ZNF493: variants seen among roughly 807,000 people sequenced by gnomAD.
ZNF493 encodes zinc finger protein 493.
ZNF493 carries 11 observed loss-of-function variants against 12.2 expected under a neutral mutation model. That is an observed-to-expected ratio of 0.90 (90% CI 0.57 to 1.50). The LOEUF (loss-of-function observed/expected upper bound fraction) is 1.50. Among genes scored for constraint, ZNF493 ranks in the 40% most tolerant of loss-of-function variants. The pLI, the probability that ZNF493 is intolerant of heterozygous loss-of-function variation, is 0.00. For synonymous variants in ZNF493, 286 were observed against 302.6 expected (o/e 0.95, Z 0.57); for missense variants, 950 against 906.6 (o/e 1.05, Z -0.61).
Position 21,397,151 on chromosome 19 carries a change from C to A in ZNF493, c.-87C>A. On this transcript the variant is annotated 5_prime_UTR_variant, in exon 1 of 4. Coordinates refer to ENST00000392288, the MANE Select transcript of ZNF493 (RefSeq NM_001076678.3). ...CTGGGCCATTGTTTCTCTCTGCTGC[C>A]GGAGCTCCAGGTCTACCCTTCACTG... is the stretch of plus-strand genomic sequence containing the variant. The A allele has an allele frequency of 4.7e-6, 7 of 1,497,370 alleles. No individual in the cohort carries two copies. Among genetic ancestry groups the A allele is most frequent in the Admixed American group, 1.7e-5 (1 of 59,274 alleles). 92.8% of individuals were successfully genotyped at this position (1,497,370 alleles called of 1,614,324 possible). A position where few individuals can be genotyped will look rare whatever the true frequency, so the allele number is the denominator to read the frequency against.
chr19:21,412,345 C>G (rs528143595), intron 3 of ZNF493: 2 of 152,412 alleles, frequency 1.3e-5, no homozygotes, highest in East Asian at 3.9e-4. Context: ...TTTAAGAATG[C>G]CTTTAAGTGG....
intron 3 of ZNF493, among the ~76,000 whole-genome samples, chr19:21,406,567 G>T (rs1435250111): frequency 6.6e-6 from 1 of 152,078 alleles, no homozygotes; most frequent in African/African-American, 2.4e-5. Context: ...GAAACTTTAT[G>T]TTAAACTATT....
At chr19:21,399,392 CCT>C in intron 1 of ZNF493, among the ~76,000 whole-genome samples, 1 of 151,750 alleles carries the variant, frequency 6.6e-6, no homozygotes, top group South Asian at 2.1e-4. Context: ...AATCTCCTGA[CCT>C]CATAATCCAT....
At chr19:21,413,309 A>G (rs1046179041) in intron 3 of ZNF493, 2 of 389,746 alleles carry the variant, frequency 5.1e-6, no homozygotes, top group Non-Finnish European at 9.0e-6. Context: ...GATTACATCC[A>G]GGCATTATTA....
rs796355916 is a variant in ZNF493, at chr19:21,420,524, A to G, written c.254-2389A>G. Among the ~76,000 whole-genome samples the G allele has an allele frequency of 5.2e-4, 36 of 68,674 alleles. No homozygotes were observed. The South Asian group carries it at 0.012, about 22-fold the overall frequency. The allele number at this position is 68,674 out of a possible 152,430, so 45.1% of individuals were successfully genotyped here. A position where few individuals can be genotyped will look rare whatever the true frequency, so the allele number is the denominator to read the frequency against. On this transcript the variant is annotated intron_variant, in intron 3 of 3. Transcript: ENST00000392288. ...CAATATACTTCTTTAGAATTCATTTATTTTTGAAGTTTTTTTTTCTTTTTA... is the reference window on the plus strand; with the variant it reads ...CAATATACTTCTTTAGAATTCATTTGTTTTTGAAGTTTTTTTTTCTTTTTA...
At chr19:21,404,320 GTCT>G (rs1442288959) in intron 1 of ZNF493, among the ~76,000 whole-genome samples, 1 of 152,208 alleles carries the variant, frequency 6.6e-6, no homozygotes. Flanking sequence ...CAGTGATGAT[GTCT>G]TCTTCTGTGT....
chr19:21,414,607 C>T (rs1356753155), intron 3 of ZNF493: 1 of 152,102 alleles, frequency 6.6e-6, no homozygotes, highest in Non-Finnish European at 1.5e-5. Context: ...TGTATGAAAT[C>T]GTAACTGAGC....
At position 21,423,023 on chromosome 19, in the gene ZNF493, T is replaced by C. The variant is rs762770934; in HGVS notation, c.364T>C (p.Leu122=). The C allele has an allele frequency of 3.7e-6, 6 of 1,613,066 alleles. No homozygotes were observed. Among genetic ancestry groups the C allele is most frequent in the Non-Finnish European group, 5.1e-6 (6 of 1,179,634 alleles). Residue 122 remains leucine, a synonymous_variant, in exon 4 of 4, where the codon TTA becomes CTA. Coordinates refer to ENST00000392288, the MANE Select transcript of ZNF493 (RefSeq NM_001076678.3). ...AAAATGTGGACATAAGGATTTACAG[T>C]TAAGAAAAGGATGTAAAAGTATGAA... The part of the protein sequence containing the change: ...YVKCGHKDLQ[L]RKGCKSMNEC...
chr19:21,402,938 G>T (rs1427413156), intron 1 of ZNF493, among the ~76,000 whole-genome samples: 1 of 152,214 alleles, frequency 6.6e-6, no homozygotes, highest in Non-Finnish European at 1.5e-5. Context: ...CATCAGGATA[G>T]GTGATCCAGG....
chr19:21,424,021 T>G lies in ZNF493; in HGVS notation c.1362T>G (p.Ile454Met), dbSNP rs1406684133. ...VFSILTKHKI[I>M]HTEEKPYKCE... Reference sequence around the variant, plus strand: ...CAATTCTTACTAAACATAAAATAATTCATACAGAAGAGAAACCCTACAAAT... The same window carrying G: ...CAATTCTTACTAAACATAAAATAATGCATACAGAAGAGAAACCCTACAAAT... Residue 454 changes from isoleucine (I) to methionine (M), a missense_variant, in exon 4 of 4, where the codon ATT becomes ATG. Physicochemically the swap from Ile to Met is conservative, Grantham distance 10. Coordinates refer to ENST00000392288, the MANE Select transcript of ZNF493 (RefSeq NM_001076678.3). 1 of 1,613,400 alleles carries G rather than the reference T, an allele frequency of 6.2e-7. No homozygotes were observed. The highest frequency in any genetic ancestry group is 1.1e-5 in the South Asian group (1 of 90,982).
intron 1 of ZNF493, among the ~76,000 whole-genome samples, chr19:21,403,027 C>T (rs944707367): frequency 6.6e-6 from 1 of 152,190 alleles, no homozygotes; most frequent in African/African-American, 2.4e-5. Flanking sequence ...TATCACTGGG[C>T]CATCAGCCTT....
rs770083191 is a variant in ZNF493 at position 21,424,223 on chromosome 19, T to A, written c.1564T>A (p.Cys522Ser). Residue 522 changes from cysteine (C) to serine (S), a missense_variant, in exon 4 of 4, where the codon TGT becomes AGT. By Grantham distance (112) the Cys-to-Ser change is moderately radical (BLOSUM62 -1). Transcript: ENST00000392288. ...AGAAAAACCCTACAAATGTGAAGAA[T>A]GTGGCAAAGCTTTTAAACGATCTTC... ...TGEKPYKCEE[C>S]GKAFKRSSTL... 3.1e-6 allele frequency: 5 copies of A among 1,612,632 alleles called. No individual in the cohort carries two copies. In the Admixed American group the frequency reaches 6.7e-5, roughly 22 times the overall value.
chr19:21,405,120 T>G lies in ZNF493; in HGVS notation c.31-9T>G, dbSNP rs533227719. The G allele has an allele frequency of 1.2e-4, 194 of 1,611,906 alleles. 3 individuals are homozygous for G. In the South Asian group the frequency reaches 2.1e-3, roughly 17 times the overall value. On this transcript the variant is annotated splice_polypyrimidine_tract_variant and intron_variant, in intron 1 of 3. Coordinates refer to ENST00000392288, the MANE Select transcript of ZNF493 (RefSeq NM_001076678.3). ...TGTGTGTGTGTGTGTTTGTGTGTGT[T>G]TGTTTCAGGGGCCGTTGACATTTAG...
chr19:21,422,970 T>C lies in ZNF493; in HGVS notation c.311T>C (p.Phe104Ser). ...CCAGGGCCAGGCATTAAAGATTCTT[T>C]TCAAAAAGTGATACTGAGAGAATAT... ...FCPGPGIKDS[F>S]QKVILREYVK... The change falls in exon 4 of 4, where the codon TTT becomes TCT. Residue 104 changes from phenylalanine to serine, a missense_variant. Coordinates refer to ENST00000392288, the MANE Select transcript of ZNF493 (RefSeq NM_001076678.3). 1 of 1,598,850 alleles carries C rather than the reference T, an allele frequency of 6.3e-7. No homozygotes were observed. Among genetic ancestry groups the C allele is most frequent in the Admixed American group, 1.8e-5 (1 of 57,064 alleles).
rs759358858 is a variant in ZNF493 at position 21,402,510 on chromosome 19, C to G, written c.31-2619C>G. ...AAGGGATCTCTCCTTTGATTGTACT[C>G]TGCTTGCTGTAACACCCAAGAATGC... On this transcript the variant is annotated intron_variant, in intron 1 of 3. Coordinates refer to ENST00000392288, the MANE Select transcript of ZNF493 (RefSeq NM_001076678.3). Among the ~76,000 whole-genome samples the G allele has an allele frequency of 5.3e-5, 8 of 152,160 alleles. No homozygotes were observed. The South Asian group carries it at 1.7e-3, about 32-fold the overall frequency.
At chr19:21,401,963 A>C (rs2029959880) in intron 1 of ZNF493, among the ~76,000 whole-genome samples, 1 of 140,210 alleles carries the variant, frequency 7.1e-6, no homozygotes, top group African/African-American at 2.7e-5. Flanking sequence ...TATTTATTTC[A>C]TTTTATTTAT....
chr19:21,425,258 A>T lies in ZNF493; in HGVS notation c.*274A>T. ...CTAAACATAAGAGAATTCATACCAT[A>T]GAGAAATCCTACAAATATGAAGAAT... On this transcript the variant is annotated 3_prime_UTR_variant, in exon 4 of 4. Transcript: ENST00000392288. The T allele has an allele frequency of 2.0e-6, 1 of 498,890 alleles. No homozygotes were observed. Among genetic ancestry groups the T allele is most frequent in the Non-Finnish European group, 3.8e-6 (1 of 266,378 alleles). The allele number at this position is 498,890 out of a possible 1,614,324, so 30.9% of individuals were successfully genotyped here.
At chr19:21,413,154 T>C in intron 3 of ZNF493, 1 of 310,952 alleles carries the variant, frequency 3.2e-6, no homozygotes, top group Non-Finnish European at 6.1e-6. Flanking sequence ...AATGCAATCT[T>C]TCTAAAGAAG....
chr19:21,413,414 T>C, intron 3 of ZNF493: 1 of 407,710 alleles, frequency 2.5e-6, no homozygotes, highest in Non-Finnish European at 4.3e-6. Context: ...ATAACTGCTA[T>C]CATAGCTACC....
Sources: gnomAD v4.1 joint callset for allele counts (sites outside exome capture counted in the v4.1 genomes callset) on GRCh38, gnomAD v4.1.1 for gene constraint, MANE v1.5 for transcripts, NCBI Gene and HGNC (gene_info 2026-07-23, HGNC 2026-07-21) for gene names.